ST8SIA2: variants seen among roughly 807,000 people sequenced by gnomAD.
ST8SIA2 encodes the protein alpha-2,8-sialyltransferase 8B.
A neutral mutation model predicts 37.6 loss-of-function variants in ST8SIA2; 22 were observed. The observed-to-expected ratio is 0.58, with a 90% CI of 0.42 to 0.83. ST8SIA2 has a LOEUF of 0.83. Ranked by LOEUF, ST8SIA2 falls within the 40% of genes least tolerant of loss-of-function variation. ST8SIA2 has a pLI of 0.00. For synonymous variants in ST8SIA2, 205 were observed against 201.2 expected, an observed-to-expected ratio of 1.02 and a Z score of -0.16; for missense variants, 382 against 484.7, an observed-to-expected ratio of 0.79 and a Z score of 1.99.
At chr15:92,446,730 A>C (rs1279455279) in intron 5 of ST8SIA2, among the ~76,000 whole-genome samples, 2 of 152,232 alleles carry the variant, frequency 1.3e-5, no homozygotes, top group Admixed American at 1.3e-4. Flanking sequence ...GTTTGAGCTA[A>C]GTCTCAAGGG....
rs535597493 is a variant in ST8SIA2 at position 92,410,568 on chromosome 15, T to A, written c.98+16406T>A. The stretch of plus-strand genomic sequence containing the variant: ...ACCGAGTTTTAGAAAAGCACATGAG[T>A]GCACGTAACGGGATGTAGAAAAGCT... On this transcript the variant is annotated intron_variant, in intron 1 of 5. Transcript: ENST00000268164. Among the ~76,000 whole-genome samples the A allele has an allele frequency of 3.3e-5, 5 of 152,248 alleles. No individual in the cohort carries two copies. In the South Asian group the frequency reaches 1.0e-3, roughly 32 times the overall value.
At chr15:92,425,150 T>C (rs893354887) in intron 1 of ST8SIA2, among the ~76,000 whole-genome samples, 9 of 152,212 alleles carry the variant, frequency 5.9e-5, no homozygotes, top group African/African-American at 2.2e-4. Context: ...CAGGCAGGTA[T>C]CAGCAGTTCC....
At chr15:92,399,541 T>C (rs1010816848) in intron 1 of ST8SIA2, among the ~76,000 whole-genome samples, 6 of 152,082 alleles carry the variant, frequency 3.9e-5, no homozygotes, top group Non-Finnish European at 8.8e-5. Flanking sequence ...AAAATGACCT[T>C]GAGCAGTTGC....
chr15:92,440,288 C>A (rs886384731), intron 4 of ST8SIA2, among the ~76,000 whole-genome samples: 1 of 152,158 alleles, frequency 6.6e-6, no homozygotes, highest in African/African-American at 2.4e-5. Flanking sequence ...TGTACTCCAG[C>A]CCAGTGCTTC....
chr15:92,429,984 C>A (rs1291610918), intron 1 of ST8SIA2, 65 bp from the exon 2 acceptor site: 1 of 1,564,784 alleles, frequency 6.4e-7, no homozygotes, highest in Non-Finnish European at 8.8e-7. Context: ...GATCTCCTGG[C>A]AATTGAAGAG....
intron 5 of ST8SIA2, among the ~76,000 whole-genome samples, chr15:92,450,951 G>C (rs947357399): frequency 1.3e-5 from 2 of 152,212 alleles, no homozygotes; most frequent in Non-Finnish European, 2.9e-5. Flanking sequence ...TTTTAGGGCA[G>C]TGACCAGGGA....
intron 1 of ST8SIA2, among the ~76,000 whole-genome samples, chr15:92,407,151 C>T (rs559205713): frequency 1.2e-4 from 18 of 152,230 alleles, no homozygotes; most frequent in Admixed American, 2.0e-4. Flanking sequence ...ACCCATTTTA[C>T]GGACAAGTAA....
intron 1 of ST8SIA2, among the ~76,000 whole-genome samples, chr15:92,416,304 G>A (rs1266771461): frequency 6.6e-6 from 1 of 151,862 alleles, no homozygotes; most frequent in African/African-American, 2.4e-5. Flanking sequence ...AGGGGTGGCT[G>A]CCATTCCCTG....
Position 92,464,169 on chromosome 15 carries a change from A to T in ST8SIA2, c.912A>T (p.Thr304=). 6.2e-7 allele frequency: 1 copy of T among 1,606,178 alleles called. No individual in the cohort carries two copies. Among genetic ancestry groups the T allele is most frequent in the Non-Finnish European group, 8.5e-7 (1 of 1,178,810 alleles). The change falls in exon 6 of 6, where the codon ACA becomes ACT. Residue 304 remains threonine (T), a synonymous_variant. Coordinates refer to ENST00000268164, the MANE Select transcript of ST8SIA2 (RefSeq NM_006011.4). ...TTGLLMYTLA[T]RFCKQIYLYG... is the part of the protein sequence containing the mutation. ...GCCTCTTGATGTATACCCTGGCCAC[A>T]CGTTTCTGCAAACAAATCTACCTCT...
At chr15:92,397,032 C>A (rs2049437154) in intron 1 of ST8SIA2, among the ~76,000 whole-genome samples, 1 of 152,336 alleles carries the variant, frequency 6.6e-6, no homozygotes, top group Admixed American at 6.5e-5. Flanking sequence ...TACAGATGAT[C>A]TGCGCGTGTC....
chr15:92,396,572 C>A (rs1444312997), intron 1 of ST8SIA2, among the ~76,000 whole-genome samples: 1 of 151,888 alleles, frequency 6.6e-6, no homozygotes, highest in Non-Finnish European at 1.5e-5. Flanking sequence ...CGGCTCACTG[C>A]AACCTCCGCC....
At chr15:92,428,610 C>A (rs1182158341) in intron 1 of ST8SIA2, among the ~76,000 whole-genome samples, 2 of 152,140 alleles carry the variant, frequency 1.3e-5, no homozygotes, top group Non-Finnish European at 2.9e-5. Flanking sequence ...AGGAGCTGAC[C>A]CGACATTCCC....
intron 1 of ST8SIA2, 59 bp downstream of exon 1, chr15:92,394,221 G>A: frequency 7.2e-7 from 1 of 1,397,720 alleles, no homozygotes; most frequent in East Asian, 2.5e-5. Flanking sequence ...CCCTCCTTCT[G>A]TACTCTCCAC....
At chr15:92,426,314 G>A (rs530591490) in intron 1 of ST8SIA2, among the ~76,000 whole-genome samples, 7 of 152,286 alleles carry the variant, frequency 4.6e-5, no homozygotes, top group Admixed American at 2.6e-4. Flanking sequence ...GGGTTAGGGG[G>A]TTTGCATGGA....
intron 3 of ST8SIA2, among the ~76,000 whole-genome samples, chr15:92,435,892 A>C (rs1198167845): frequency 6.6e-6 from 1 of 152,106 alleles, no homozygotes; most frequent in African/African-American, 2.4e-5. Flanking sequence ...CGGCGGCCTA[A>C]AACAACAGAA....
In ST8SIA2 at chr15:92,465,384, G is replaced by A. The variant is rs2141856404; in HGVS notation, c.*999G>A. ...GGAAGCCACAATGAGAGCTTGAAAGGGTGCTGTCAAGATAAATGTCATCCT... is the reference window on the plus strand; with the variant it reads ...GGAAGCCACAATGAGAGCTTGAAAGAGTGCTGTCAAGATAAATGTCATCCT... On this transcript the variant is annotated 3_prime_UTR_variant, in exon 6 of 6. Coordinates refer to ENST00000268164, the MANE Select transcript of ST8SIA2 (RefSeq NM_006011.4). 6.6e-6 allele frequency: 1 copy of A among 152,306 alleles called. No individual in the cohort carries two copies. Among genetic ancestry groups the A allele is most frequent in the South Asian group, 2.1e-4 (1 of 4,820 alleles). The allele number at this position is 152,306 out of a possible 1,614,324, so 9.4% of individuals were successfully genotyped here. A position where few individuals can be genotyped will look rare whatever the true frequency, so the allele number is the denominator to read the frequency against.
intron 1 of ST8SIA2, among the ~76,000 whole-genome samples, chr15:92,416,572 G>T (rs185739124): frequency 1.3e-5 from 2 of 152,288 alleles, no homozygotes; most frequent in African/African-American, 4.8e-5. Flanking sequence ...AAGGAGGCGG[G>T]AAGTCTATGG....
intron 1 of ST8SIA2, among the ~76,000 whole-genome samples, chr15:92,425,792 G>T (rs2049671072): frequency 1.3e-5 from 2 of 152,132 alleles, no homozygotes; most frequent in South Asian, 4.2e-4. Context: ...CCTAGCCTAG[G>T]GTACTTAGGG....
At chr15:92,436,838 C>T (rs1400150638) in intron 3 of ST8SIA2, among the ~76,000 whole-genome samples, 1 of 152,168 alleles carries the variant, frequency 6.6e-6, no homozygotes, top group East Asian at 1.9e-4. Context: ...ACCAAGTGTT[C>T]TAGCTGCCCC....
Sources: gnomAD v4.1 joint callset for allele counts (sites outside exome capture counted in the v4.1 genomes callset) on GRCh38, gnomAD v4.1.1 for gene constraint, MANE v1.5 for transcripts, NCBI Gene and HGNC (gene_info 2026-07-23, HGNC 2026-07-21) for gene names.